The following PCDH15 variants were observed in gnomAD, a reference collection of about 807,000 sequenced individuals.
The protein encoded by PCDH15 is protocadherin-15.
PCDH15 carries 129 observed loss-of-function variants against 178.5 expected under a neutral mutation model. That is an observed-to-expected ratio of 0.72 (90% CI 0.63 to 0.84). The LOEUF (loss-of-function observed/expected upper bound fraction) is 0.84, where lower values mean the gene tolerates loss of function less well. Among genes scored for constraint, PCDH15 ranks in the 40% least tolerant of loss-of-function variants. PCDH15 has a pLI of 0.00. For synonymous variants in PCDH15, 800 were observed against 732.0 expected, an observed-to-expected ratio of 1.09 and a Z score of -1.50; for missense variants, 2,230 against 2,099.9, an observed-to-expected ratio of 1.06 and a Z score of -1.21.
chr10:54,409,812 T>A (rs1000499840), intron 3 of PCDH15, among the ~76,000 whole-genome samples: 10 of 152,018 alleles, frequency 6.6e-5, no homozygotes, highest in African/African-American at 9.7e-5. Flanking sequence ...ACTGGTGGCT[T>A]TAGAAGAAAA....
At chr10:54,962,278 C>T (rs1177803151) in intron 2 of PCDH15, among the ~76,000 whole-genome samples, 1 of 152,030 alleles carries the variant, frequency 6.6e-6, no homozygotes, top group Non-Finnish European at 1.5e-5. Context: ...TCCTGCTGCT[C>T]TCTGCTGGCA....
At chr10:53,808,877 A>G (rs910123368) in intron 37 of PCDH15, 4 of 1,602,246 alleles carry the variant, frequency 2.5e-6, no homozygotes. Flanking sequence ...ACCGAAGCTG[A>G]TTCTGCACTG....
chr10:54,057,166 C>T (rs1286135189), intron 18 of PCDH15, among the ~76,000 whole-genome samples: 1 of 152,176 alleles, frequency 6.6e-6, no homozygotes, highest in African/African-American at 2.4e-5. Context: ...TGCAAGCTGT[C>T]AGTGGATTAC....
intron 37 of PCDH15, among the ~76,000 whole-genome samples, chr10:53,809,899 C>T (rs2075804736): frequency 6.6e-6 from 1 of 151,984 alleles, no homozygotes; most frequent in African/African-American, 2.4e-5. Flanking sequence ...TTCTGTATTC[C>T]CTTGAACTAA....
At chr10:55,414,254 G>A (rs969955754) in intron 2 of PCDH15, among the ~76,000 whole-genome samples, 5 of 151,586 alleles carry the variant, frequency 3.3e-5, no homozygotes, top group East Asian at 3.9e-4. Flanking sequence ...TCAGAATGAC[G>A]AAGAACCAAA....
upstream of PCDH15, among the ~76,000 whole-genome samples, chr10:54,802,510 A>G (rs1253855478): frequency 6.6e-6 from 1 of 152,204 alleles, no homozygotes. Flanking sequence ...CTTCCTTAAA[A>G]CCACAGATCA....
At chr10:54,859,228 T>C (rs1953795743) in intron 3 of PCDH15, among the ~76,000 whole-genome samples, 1 of 152,140 alleles carries the variant, frequency 6.6e-6, no homozygotes, top group Non-Finnish European at 1.5e-5. Flanking sequence ...CTCATTTATA[T>C]GTCTTACTTT....
At chr10:54,364,180 C>T (rs1275741798) in intron 5 of PCDH15, among the ~76,000 whole-genome samples, 1 of 148,594 alleles carries the variant, frequency 6.7e-6, no homozygotes, top group East Asian at 2.0e-4. Context: ...CCATTGCACT[C>T]CAGCCTGGGC....
At chr10:54,869,690 G>C (rs1954000806) in intron 3 of PCDH15, among the ~76,000 whole-genome samples, 1 of 152,172 alleles carries the variant, frequency 6.6e-6, no homozygotes, top group South Asian at 2.1e-4. Context: ...ATAAATAAAT[G>C]TCACAGTGCC....
intron 2 of PCDH15, among the ~76,000 whole-genome samples, chr10:55,012,788 C>T (rs943874803): frequency 1.3e-5 from 2 of 151,972 alleles, no homozygotes; most frequent in Non-Finnish European, 2.9e-5. Context: ...CAGTGCAAGG[C>T]CCCTTTATCT....
intron 1 of PCDH15, among the ~76,000 whole-genome samples, chr10:54,796,676 T>C (rs936598935): frequency 2.6e-5 from 4 of 151,910 alleles, no homozygotes; most frequent in African/African-American, 9.7e-5. Flanking sequence ...TAACTTTTAT[T>C]ATGTTTTTCC....
chr10:55,052,503 C>A (rs561367101), intron 2 of PCDH15, among the ~76,000 whole-genome samples: 1 of 111,028 alleles, frequency 9.0e-6, no homozygotes, highest in South Asian at 3.2e-4. Flanking sequence ...AGTTCAAGAC[C>A]AGCCTGGCAA....
At chr10:53,863,797 A>G (rs899527219) in intron 27 of PCDH15, among the ~76,000 whole-genome samples, 4 of 152,180 alleles carry the variant, frequency 2.6e-5, no homozygotes, top group African/African-American at 9.7e-5. Flanking sequence ...TGGGAATTGA[A>G]TCTACTGCAT....
intron 9 of PCDH15, among the ~76,000 whole-genome samples, chr10:54,216,848 A>G (rs2052124601): frequency 2.0e-5 from 3 of 152,184 alleles, no homozygotes; most frequent in African/African-American, 4.8e-5. Context: ...ATACATCAAT[A>G]GTGGTCTGGG....
At chr10:55,438,999 C>T (rs1194006362) in intron 2 of PCDH15, among the ~76,000 whole-genome samples, 3 of 151,926 alleles carry the variant, frequency 2.0e-5, no homozygotes, top group Non-Finnish European at 2.9e-5. Context: ...CCCGGGTTCA[C>T]ATCATTCTCC....
intron 2 of PCDH15, among the ~76,000 whole-genome samples, chr10:55,067,380 T>G (rs1391755605): frequency 6.6e-6 from 1 of 152,038 alleles, no homozygotes; most frequent in Non-Finnish European, 1.5e-5. Context: ...AACCTCCAGT[T>G]CCATTCACGT....
intron 20 of PCDH15, among the ~76,000 whole-genome samples, chr10:54,008,789 T>C (rs1477463640): frequency 6.6e-6 from 1 of 152,190 alleles, no homozygotes; most frequent in Non-Finnish European, 1.5e-5. Flanking sequence ...GTTTTAACTG[T>C]TCAATTCCAC....
At chr10:54,888,743 T>G (rs1353897418) in intron 3 of PCDH15, among the ~76,000 whole-genome samples, 1 of 151,252 alleles carries the variant, frequency 6.6e-6, no homozygotes, top group Admixed American at 6.6e-5. Flanking sequence ...CCTGTTGTTG[T>G]TTTTTTTCAG....
chr10:54,042,057 G>C (rs887229628), intron 18 of PCDH15, among the ~76,000 whole-genome samples: 7 of 152,000 alleles, frequency 4.6e-5, no homozygotes, highest in African/African-American at 1.7e-4. Context: ...TTAGATTCAG[G>C]GATGACTGAA....
Sources: allele counts gnomAD v4.1 joint callset (sites outside exome capture counted in the v4.1 genomes callset), GRCh38; gene constraint gnomAD v4.1.1; transcripts MANE v1.5; gene names NCBI Gene and HGNC (gene_info 2026-07-23, HGNC 2026-07-21).